Variants in ZNF503 observed in about 807,000 individuals in gnomAD.
The protein encoded by ZNF503 is NocA-like zinc finger 2.
Under a neutral mutation model 34.4 loss-of-function variants are expected in ZNF503, and 15 were observed. That is an observed-to-expected ratio of 0.44 (90% CI 0.29 to 0.67). The LOEUF is 0.67. Ranked by LOEUF, ZNF503 falls within the 30% of genes least tolerant of loss-of-function variation. The pLI is 0.13. For missense variants in ZNF503, 1,007 were observed against 926.8 expected, an observed-to-expected ratio of 1.09 and a Z score of -1.12; for synonymous variants, 580 against 456.8, an observed-to-expected ratio of 1.27 and a Z score of -3.44.
the ZNF503 span, among the ~76,000 whole-genome samples, chr10:75,371,449 C>T: frequency 6.6e-6 from 1 of 152,230 alleles, no homozygotes; most frequent in African/African-American, 2.4e-5. Context: ...TTCTCTCTCT[C>T]TCTGCACCTG....
the ZNF503 span, among the ~76,000 whole-genome samples, chr10:75,341,225 G>A: frequency 6.6e-6 from 1 of 152,174 alleles, no homozygotes; most frequent in East Asian, 1.9e-4. Context: ...TTTTAAAGTT[G>A]TAAAGAGACT....
chr10:75,314,793 G>C, the ZNF503 span, among the ~76,000 whole-genome samples: 1 of 152,142 alleles, frequency 6.6e-6, no homozygotes, highest in Admixed American at 6.6e-5. Flanking sequence ...TACTTTACCT[G>C]GTAAAACTAT....
chr10:75,361,117 G>A, the ZNF503 span: 1 of 152,206 alleles, frequency 6.6e-6, no homozygotes, highest in Non-Finnish European at 1.5e-5. Flanking sequence ...AATATAGGAT[G>A]GGCTTTGCAG....
chr10:75,389,465 C>T, the ZNF503 span, among the ~76,000 whole-genome samples: 2 of 152,176 alleles, frequency 1.3e-5, no homozygotes, highest in Non-Finnish European at 2.9e-5. Context: ...CGCAGTGGCT[C>T]ATGTCTGTAA....
Position 75,399,107 on chromosome 10 carries a change from C to G in ZNF503, c.1583G>C (p.Arg528Pro), listed in dbSNP as rs1462490394. ...WVSANGPCDK[R>P]FATSEELLSH... Reference sequence around the variant, plus strand: ...CAGCAGCTCTTCGGACGTGGCGAAGCGCTTGTCGCACGGCCCGTTGGCCGA... The same window carrying G: ...CAGCAGCTCTTCGGACGTGGCGAAGGGCTTGTCGCACGGCCCGTTGGCCGA... Residue 528 changes from arginine (R) to proline (P), a missense_variant, in exon 2 of 2, where the codon CGC becomes CCC. By Grantham distance (103) the Arg-to-Pro change is moderately radical (BLOSUM62 -2). Coordinates refer to ENST00000372524, the MANE Select transcript of ZNF503 (RefSeq NM_032772.6). 8 of 1,613,708 alleles carry G rather than the reference C, an allele frequency of 5.0e-6. No individual in the cohort carries two copies. The highest frequency in any genetic ancestry group is 5.9e-6 in the Non-Finnish European group (7 of 1,179,820).
At chr10:75,348,394 C>T in the ZNF503 span, among the ~76,000 whole-genome samples, 436 of 151,702 alleles carry the variant, frequency 2.9e-3, 2 homozygotes, top group African/African-American at 0.01. Context: ...GACAAGGTTT[C>T]ACCGTGTTGA....
In ZNF503 at chr10:75,398,802, A is replaced by AGG. The variant is rs1351422207; in HGVS notation, c.1886_1887dup (p.Tyr630ProfsTer9). 6.8e-7 allele frequency: 1 copy of AGG among 1,479,728 alleles called. No homozygotes were observed. Among genetic ancestry groups the AGG allele is most frequent in the Non-Finnish European group, 8.9e-7 (1 of 1,120,804 alleles). The allele number at this position is 1,479,728 out of a possible 1,614,324, so 91.7% of individuals were successfully genotyped here. On this transcript the variant is annotated frameshift_variant, in exon 2 of 2. Transcript: ENST00000372524. LOFTEE classifies it high-confidence loss of function. ...GTCAGTCTCTGTCCGTAGAGGGCGT[A>AGG]GGGGGAGTAGTACGGTCCGGTGGCG...
At chr10:75,354,236 C>T in the ZNF503 span, among the ~76,000 whole-genome samples, 1 of 152,194 alleles carries the variant, frequency 6.6e-6, no homozygotes, top group Non-Finnish European at 1.5e-5. Context: ...ATGGGGTTAC[C>T]CCACAACACA....
chr10:75,400,185 C>A lies in ZNF503; in HGVS notation c.505G>T (p.Val169Leu), dbSNP rs572520819. The A allele has an allele frequency of 3.2e-6, 5 of 1,584,910 alleles. No homozygotes were observed. In the African/African-American group the frequency reaches 5.4e-5, roughly 17 times the overall value. Residue 169 changes from valine to leucine, a missense_variant, in exon 2 of 2, where the codon GTG becomes TTG. Coordinates refer to ENST00000372524, the MANE Select transcript of ZNF503 (RefSeq NM_032772.6). ...GGCTTGAAACTCGACTTGTCCTCCA[C>A]GCCGATGTCGCTCAGCTTCAGGGGG... ...SGPLKLSDIGVEDKSSFKPYS... is the reference protein window; with the variant it reads ...SGPLKLSDIGLEDKSSFKPYS...
At chr10:75,358,016 G>A in the ZNF503 span, among the ~76,000 whole-genome samples, 1 of 152,200 alleles carries the variant, frequency 6.6e-6, no homozygotes, top group Non-Finnish European at 1.5e-5. Context: ...CCATTGGAGA[G>A]TCCCTTTCCT....
chr10:75,294,474 T>G, the ZNF503 span, among the ~76,000 whole-genome samples: 2 of 152,180 alleles, frequency 1.3e-5, no homozygotes, highest in Non-Finnish European at 2.9e-5. Context: ...AATGATTGTA[T>G]TATTATTATT....
the ZNF503 span, among the ~76,000 whole-genome samples, chr10:75,332,033 C>T: frequency 3.9e-5 from 6 of 151,954 alleles, no homozygotes; most frequent in Admixed American, 1.3e-4. Context: ...TCTAGCCCTT[C>T]ACCTTCAGTC....
intron 1 of ZNF503, 197 bp downstream of exon 1, chr10:75,400,908 C>T: frequency 1.3e-6 from 1 of 789,860 alleles, no homozygotes; most frequent in African/African-American, 1.7e-5. Context: ...AGCCTTGCTC[C>T]CTAGCATGCA....
the ZNF503 span, among the ~76,000 whole-genome samples, chr10:75,340,689 C>G: frequency 6.6e-6 from 1 of 152,132 alleles, no homozygotes; most frequent in African/African-American, 2.4e-5. Context: ...ACCTCCACTT[C>G]CCAGGTTCGA....
the ZNF503 span, among the ~76,000 whole-genome samples, chr10:75,379,034 A>T: frequency 6.6e-6 from 1 of 152,106 alleles, no homozygotes; most frequent in South Asian, 2.1e-4. Context: ...ACAGTGCCCT[A>T]AACAAAGTAT....
At chr10:75,285,775 G>A in the ZNF503 span, among the ~76,000 whole-genome samples, 1 of 152,220 alleles carries the variant, frequency 6.6e-6, no homozygotes, top group Non-Finnish European at 1.5e-5. Context: ...GACCCAAGGG[G>A]TCCTTTGGAA....
the ZNF503 span, among the ~76,000 whole-genome samples, chr10:75,297,839 ACCT>A: frequency 6.6e-6 from 1 of 152,134 alleles, no homozygotes; most frequent in East Asian, 1.9e-4. Context: ...TTACCCCAGT[ACCT>A]CCTATCCTCC....
the ZNF503 span, among the ~76,000 whole-genome samples, chr10:75,390,101 G>A: frequency 2.0e-5 from 3 of 151,558 alleles, no homozygotes; most frequent in Non-Finnish European, 4.4e-5. Context: ...GTTTCACTGT[G>A]TTAGCCAGGA....
the ZNF503 span, among the ~76,000 whole-genome samples, chr10:75,388,006 C>T: frequency 1.3e-5 from 2 of 152,126 alleles, no homozygotes; most frequent in African/African-American, 4.8e-5. Context: ...CATGAGCAGG[C>T]TTGGTTTCCA....
Sources: allele counts gnomAD v4.1 joint callset (sites outside exome capture counted in the v4.1 genomes callset), GRCh38; gene constraint gnomAD v4.1.1; transcripts MANE v1.5; gene names NCBI Gene and HGNC (gene_info 2026-07-23, HGNC 2026-07-21).